The following LHFPL5 variants were observed in gnomAD, a reference collection of about 807,000 sequenced individuals.
The protein encoded by LHFPL5 is LHFPL tetraspan subfamily member 5.
A neutral mutation model predicts 18.7 loss-of-function variants in LHFPL5; 12 were observed. The ratio of observed to expected loss-of-function variants is 0.64; its 90% CI spans 0.41 to 1.04. LHFPL5 has a LOEUF of 1.04. LHFPL5 is among the 50% of genes least tolerant of loss of function. The pLI is 0.00. For synonymous variants in LHFPL5, 111 were observed against 120.2 expected, an observed-to-expected ratio of 0.92 and a Z score of 0.50; for missense variants, 259 against 292.1, an observed-to-expected ratio of 0.89 and a Z score of 0.83.
rs1768550895 is a variant in LHFPL5, at chr6:35,805,367, C to G, written c.-304C>G. ...GGGCGGGGCTCTCGGGAGCCGTGAG[C>G]CGGGAAGAGGGAGACGGGCAGGGCG... On this transcript the variant is annotated 5_prime_UTR_variant, in exon 1 of 4. Transcript: ENST00000360215. This position sits in a 1 kb window ranked among gnomAD's most constrained non-coding sequence, Gnocchi z 4.3. 1 of 372,110 alleles carries G rather than the reference C, an allele frequency of 2.7e-6. No homozygotes were observed. The highest frequency in any genetic ancestry group is 4.9e-6 in the Non-Finnish European group (1 of 203,376). The allele number at this position is 372,110 out of a possible 1,614,324, so 23.1% of individuals were successfully genotyped here. A position where few individuals can be genotyped will look rare whatever the true frequency, so the allele number is the denominator to read the frequency against.
At chr6:35,818,434 C>T (rs893359743) in intron 2 of LHFPL5, among the ~76,000 whole-genome samples, 1 of 145,894 alleles carries the variant, frequency 6.9e-6, no homozygotes, top group Non-Finnish European at 1.5e-5. Flanking sequence ...TCTCAGCTCA[C>T]TGCAACCTTC....
chr6:35,812,102 A>G (rs879667), intron 1 of LHFPL5, among the ~76,000 whole-genome samples: 70,465 of 152,042 alleles, frequency 0.46, 18,171 homozygotes, highest in African/African-American at 0.7. Flanking sequence ...CAGAAAGGTG[A>G]TCACAGTCAA....
At chr6:35,813,239 AT>A (rs35884324) in intron 1 of LHFPL5, among the ~76,000 whole-genome samples, 20,761 of 55,640 alleles carry the variant, frequency 0.37, 2,113 homozygotes, top group East Asian at 0.56. Context: ...AGGAACTAGC[AT>A]TTTTTTTTTT....
intron 2 of LHFPL5, among the ~76,000 whole-genome samples, chr6:35,818,222 G>A (rs73404026): frequency 0.019 from 2,931 of 152,004 alleles, 69 homozygotes; most frequent in African/African-American, 0.066. Flanking sequence ...GGGGAAACAA[G>A]AGTGATTGCT....
chr6:35,821,449 TTGTGTGTGTGTGTGTGTGTGTG>T lies in LHFPL5; in HGVS notation c.*17-1509_*17-1488del, dbSNP rs34049571. Among the ~76,000 whole-genome samples, 413 of 120,438 alleles carry T rather than the reference TTGTGTGTGTGTGTGTGTGTGTG, an allele frequency of 3.4e-3. 1 individual carries two copies. The highest frequency in any genetic ancestry group is 0.012 in the African/African-American group (390 of 32,354). 79.0% of individuals were successfully genotyped at this position (120,438 alleles called of 152,430 possible). The stretch of plus-strand genomic sequence containing the variant: ...ATAAAAAAGCATTAGAGCATAATCT[TTGTGTGTGTGTGTGTGTGTGTG>T]TGTGTGTGTGTGTGTGTGTGTGTTC... On this transcript the variant is annotated intron_variant, in intron 3 of 3. Coordinates refer to ENST00000360215, the MANE Select transcript of LHFPL5 (RefSeq NM_182548.4).
At chr6:35,822,907 G>C (rs998627116) in intron 3 of LHFPL5, 75 bp from the exon 4 acceptor site, 8 of 152,272 alleles carry the variant, frequency 5.3e-5, no homozygotes, top group African/African-American at 1.9e-4. Context: ...ACTGCACCCA[G>C]CCTATATTGG....
rs554531553 is a variant in LHFPL5 at position 35,816,128 on chromosome 6, G to A, written c.649+1346G>A. Among the ~76,000 whole-genome samples, 90 of 146,994 alleles carry A rather than the reference G, an allele frequency of 6.1e-4. 2 individuals are homozygous for A. In the Middle Eastern group the frequency reaches 0.014, roughly 23 times the overall value. On this transcript the variant is annotated intron_variant, in intron 2 of 3. Transcript: ENST00000360215. ...GGAGCTTGCAGTGAGCCGAGATTGC[G>A]CCACTGCAGTCCGCAGTCCGGCCTG...
chr6:35,808,524 GTA>G (rs139602455), intron 1 of LHFPL5, among the ~76,000 whole-genome samples: 20 of 120,568 alleles, frequency 1.7e-4, no homozygotes, highest in African/African-American at 2.4e-4. Context: ...AAAATATTGA[GTA>G]TATATATATA....
chr6:35,816,484 G>A (rs146625236), intron 2 of LHFPL5, among the ~76,000 whole-genome samples: 15 of 152,206 alleles, frequency 9.9e-5, no homozygotes, highest in South Asian at 2.1e-4. Flanking sequence ...CCTAGATCCC[G>A]GATCCCTTGA....
At chr6:35,822,089 A>T (rs774383072) in intron 3 of LHFPL5, among the ~76,000 whole-genome samples, 8 of 151,308 alleles carry the variant, frequency 5.3e-5, no homozygotes, top group Non-Finnish European at 1.0e-4. Context: ...ATGTTTTGTC[A>T]TGTTGTCCAG....
chr6:35,822,171 G>A (rs745405212), intron 3 of LHFPL5, among the ~76,000 whole-genome samples: 3 of 152,132 alleles, frequency 2.0e-5, no homozygotes, highest in Admixed American at 6.6e-5. Context: ...TTACAGGCAT[G>A]AGCCACTGCG....
chr6:35,820,686 C>T (rs901529532), intron 3 of LHFPL5, among the ~76,000 whole-genome samples: 6 of 148,476 alleles, frequency 4.0e-5, no homozygotes, highest in African/African-American at 7.5e-5. Flanking sequence ...GGCGACAAAG[C>T]GAGACTCCAT....
In LHFPL5 at chr6:35,806,084, T is replaced by C; in HGVS notation, c.412+2T>C. The C allele has an allele frequency of 6.2e-7, 1 of 1,613,644 alleles. No homozygotes were observed. Among genetic ancestry groups the C allele is most frequent in the East Asian group, 2.2e-5 (1 of 44,882 alleles). ...GTGCATGGATGCAGCTGGCTGCGGG[T>C]AAGCAGAGATGGTGGGAGGGCAGGC... On this transcript the variant is annotated splice_donor_variant, in intron 1 of 3. Coordinates refer to ENST00000360215, the MANE Select transcript of LHFPL5 (RefSeq NM_182548.4). LOFTEE classifies it high-confidence loss of function.
At chr6:35,810,154 T>C (rs1768639434) in intron 1 of LHFPL5, among the ~76,000 whole-genome samples, 1 of 152,316 alleles carries the variant, frequency 6.6e-6, no homozygotes, top group East Asian at 1.9e-4. Flanking sequence ...CCCGCTCCCC[T>C]CTGGGGTCCC....
chr6:35,820,616 T>C (rs894939758), intron 3 of LHFPL5, among the ~76,000 whole-genome samples: 5 of 151,556 alleles, frequency 3.3e-5, no homozygotes, highest in African/African-American at 1.2e-4. Context: ...AGGAGAATGG[T>C]GTGAACCCAG....
At position 35,823,365 on chromosome 6, in the gene LHFPL5, T is replaced by G. The variant is rs1768901703; in HGVS notation, c.*400T>G. The G allele has an allele frequency of 7.0e-6, 1 of 143,504 alleles. No homozygotes were observed. Among genetic ancestry groups the G allele is most frequent in the South Asian group, 2.2e-4 (1 of 4,506 alleles). The allele number at this position is 143,504 out of a possible 1,614,324, so 8.9% of individuals were successfully genotyped here. ...CCTTCCCTCCCAGGTCTGTGTCTGA[T>G]AGCATACACACACACATATATATAC... On this transcript the variant is annotated 3_prime_UTR_variant, in exon 4 of 4. Coordinates refer to ENST00000360215, the MANE Select transcript of LHFPL5 (RefSeq NM_182548.4).
intron 2 of LHFPL5, among the ~76,000 whole-genome samples, chr6:35,818,353 T>TATATATATATATATATATA (rs1768806348): frequency 2.3e-4 from 1 of 4,320 alleles, no homozygotes; most frequent in African/African-American, 4.2e-4. Context: ...ATATATGTAT[T>TATATATATATATATATATA]TTTTTTTTTT....
rs1768907364 is a variant in LHFPL5, at chr6:35,823,412, CACACACACACACA to C, written c.*448_*460del. 1 of 141,338 alleles carries C rather than the reference CACACACACACACA, an allele frequency of 7.1e-6. No individual in the cohort carries two copies. Among genetic ancestry groups the C allele is most frequent in the African/African-American group, 3.0e-5 (1 of 33,138 alleles). 8.8% of individuals were successfully genotyped at this position (141,338 alleles called of 1,614,324 possible). A position where few individuals can be genotyped will look rare whatever the true frequency, so the allele number is the denominator to read the frequency against. ...ATACACACACACACACACACACACA[CACACACACACACA>C]TACATACACACACACATATATATAC... On this transcript the variant is annotated 3_prime_UTR_variant, in exon 4 of 4. Coordinates refer to ENST00000360215, the MANE Select transcript of LHFPL5 (RefSeq NM_182548.4).
intron 2 of LHFPL5, among the ~76,000 whole-genome samples, chr6:35,818,641 C>T (rs1281370846): frequency 6.6e-6 from 1 of 151,284 alleles, no homozygotes; most frequent in Non-Finnish European, 1.5e-5. Context: ...TGAGCCACTG[C>T]ATCCAGCTTG....
Sources: gnomAD v4.1 joint callset for allele counts (sites outside exome capture counted in the v4.1 genomes callset) on GRCh38, gnomAD v4.1.1 for gene constraint, Gnocchi (gnomAD v3.1) non-coding constraint, MANE v1.5 for transcripts, NCBI Gene and HGNC (gene_info 2026-07-23, HGNC 2026-07-21) for gene names.